The following MAGI2 variants were observed in gnomAD, a reference collection of about 807,000 sequenced individuals.
The protein encoded by MAGI2 is membrane-associated guanylate kinase, WW and PDZ domain-containing protein 2.
A neutral mutation model predicts 133.3 loss-of-function variants in MAGI2; 35 were observed. The ratio of observed to expected loss-of-function variants is 0.26; its 90% confidence interval spans 0.20 to 0.35. The LOEUF is 0.35. Among genes scored for constraint, MAGI2 ranks in the 10% least tolerant of loss-of-function variants. The pLI is 1.00. For missense variants in MAGI2, 1,636 were observed against 1,863.4 expected (o/e 0.88, Z 2.25); for synonymous variants, 729 against 710.6 (o/e 1.03, Z -0.41).
At chr7:78,444,503 G>A (rs1210556187) in intron 6 of MAGI2, among the ~76,000 whole-genome samples, 3 of 151,988 alleles carry the variant, frequency 2.0e-5, no homozygotes, top group Non-Finnish European at 4.4e-5. Flanking sequence ...GAAGAGACAT[G>A]TGTTACTTAA....
At chr7:78,426,090 C>T (rs1480848477) in intron 6 of MAGI2, among the ~76,000 whole-genome samples, 1 of 151,834 alleles carries the variant, frequency 6.6e-6, no homozygotes, top group African/African-American at 2.4e-5. Context: ...GAAAGTATGA[C>T]CATAATGAAT....
intron 17 of MAGI2, among the ~76,000 whole-genome samples, 183 bp from the exon 18 acceptor site, chr7:78,133,243 T>C (rs1821755040): frequency 6.6e-6 from 1 of 152,220 alleles, no homozygotes; most frequent in East Asian, 1.9e-4. Flanking sequence ...ATATTTGTAT[T>C]CTTTCATTAA....
At chr7:78,838,213 C>T (rs186999048) in intron 2 of MAGI2, among the ~76,000 whole-genome samples, 51 of 152,146 alleles carry the variant, frequency 3.4e-4, no homozygotes, top group African/African-American at 9.4e-4. Context: ...TCTGCTTAGT[C>T]GCTGTCTTTG....
At chr7:78,199,667 GA>G (rs1213046223) in intron 11 of MAGI2, among the ~76,000 whole-genome samples, 7 of 152,168 alleles carry the variant, frequency 4.6e-5, no homozygotes, top group Non-Finnish European at 8.8e-5. Flanking sequence ...TAGATACATG[GA>G]AGACATCAAA....
chr7:79,006,974 G>C, intron 2 of MAGI2, 116 bp downstream of exon 2: 8 of 715,650 alleles, frequency 1.1e-5, no homozygotes, highest in Non-Finnish European at 4.4e-6. Flanking sequence ...TAAGTTTTCT[G>C]TTCCAAAAGC....
At chr7:78,772,876 G>T (rs1266509931) in intron 2 of MAGI2, among the ~76,000 whole-genome samples, 2 of 152,140 alleles carry the variant, frequency 1.3e-5, no homozygotes, top group African/African-American at 2.4e-5. Context: ...AAACATAAAA[G>T]ATTTCACTTT....
chr7:78,305,007 A>T (rs1281346000), intron 9 of MAGI2, among the ~76,000 whole-genome samples: 1 of 152,192 alleles, frequency 6.6e-6, no homozygotes, highest in African/African-American at 2.4e-5. Flanking sequence ...TATTGCTGAC[A>T]TCTTTACACC....
chr7:78,636,049 G>A (rs1204849943), intron 2 of MAGI2, among the ~76,000 whole-genome samples: 1 of 152,068 alleles, frequency 6.6e-6, no homozygotes, highest in Non-Finnish European at 1.5e-5. Context: ...TAACTGATGG[G>A]GTGGATTGGT....
intron 2 of MAGI2, among the ~76,000 whole-genome samples, chr7:78,757,179 A>G (rs1211988133): frequency 1.3e-5 from 2 of 152,138 alleles, no homozygotes; most frequent in Non-Finnish European, 2.9e-5. Flanking sequence ...TCCTGTTAAT[A>G]TGAATGAATA....
chr7:78,642,344 C>T (rs1316602991), intron 2 of MAGI2, among the ~76,000 whole-genome samples: 5 of 152,114 alleles, frequency 3.3e-5, no homozygotes, highest in African/African-American at 1.2e-4. Flanking sequence ...GTAAAACGAG[C>T]ACAGCATATG....
chr7:79,393,714 C>A (rs1844837149), intron 1 of MAGI2, among the ~76,000 whole-genome samples: 1 of 152,170 alleles, frequency 6.6e-6, no homozygotes, highest in South Asian at 2.1e-4. Flanking sequence ...TTTCTAAGAG[C>A]AATTTAATGG....
At chr7:78,621,131 C>G (rs1218886880) in intron 3 of MAGI2, 3 of 151,984 alleles carry the variant, frequency 2.0e-5, no homozygotes, top group Non-Finnish European at 4.4e-5. Context: ...GACCTGTCTT[C>G]CTTGCAGGTA....
At chr7:78,564,266 T>C (rs182261505) in intron 3 of MAGI2, among the ~76,000 whole-genome samples, 13 of 152,304 alleles carry the variant, frequency 8.5e-5, no homozygotes, top group African/African-American at 2.9e-4. Context: ...CGTTTTAGTA[T>C]TATAGGCATT....
Position 79,095,320 on chromosome 7 carries a change from G to A in MAGI2, c.302-88114C>T, listed in dbSNP as rs1817427955. Among the ~76,000 whole-genome samples the A allele has an allele frequency of 2.6e-5, 4 of 152,268 alleles. 1 individual carries two copies. The South Asian group carries it at 8.3e-4, about 32-fold the overall frequency. Reference sequence around the variant, plus strand: ...GATCATTCCAAATTTCTCTATATCAGCAATAAGGTTGTGTTGCTTTATCAT... The same window carrying A: ...GATCATTCCAAATTTCTCTATATCAACAATAAGGTTGTGTTGCTTTATCAT... On this transcript the variant is annotated intron_variant, in intron 1 of 21. Coordinates refer to ENST00000354212, the MANE Select transcript of MAGI2 (RefSeq NM_012301.4).
chr7:78,092,804 G>T (rs1186201434), intron 20 of MAGI2, among the ~76,000 whole-genome samples: 1 of 151,918 alleles, frequency 6.6e-6, no homozygotes, highest in Non-Finnish European at 1.5e-5. Context: ...CATTTCAAAA[G>T]GAGACTTTCC....
intron 6 of MAGI2, among the ~76,000 whole-genome samples, chr7:78,465,516 G>A (rs1790528696): frequency 6.6e-6 from 1 of 152,134 alleles, no homozygotes; most frequent in African/African-American, 2.4e-5. Flanking sequence ...TGTCCCATAT[G>A]GCATGGATAA....
intron 1 of MAGI2, among the ~76,000 whole-genome samples, chr7:79,039,085 C>A (rs947587548): frequency 3.3e-5 from 5 of 152,118 alleles, no homozygotes; most frequent in Non-Finnish European, 5.9e-5. Flanking sequence ...GGTGGAAGAA[C>A]CATGTGGGAG....
chr7:78,396,372 C>T (rs1056429009), intron 6 of MAGI2, among the ~76,000 whole-genome samples: 6 of 152,122 alleles, frequency 3.9e-5, no homozygotes, highest in African/African-American at 7.2e-5. Flanking sequence ...AGGCCAGCCA[C>T]GCTGGTTTTT....
At chr7:79,237,958 T>G (rs1303716477) in intron 1 of MAGI2, among the ~76,000 whole-genome samples, 1 of 152,200 alleles carries the variant, frequency 6.6e-6, no homozygotes, top group Non-Finnish European at 1.5e-5. Flanking sequence ...GAGACGATCC[T>G]GAAATCTAAT....
Sources: gnomAD v4.1 joint callset for allele counts (sites outside exome capture counted in the v4.1 genomes callset) on GRCh38, gnomAD v4.1.1 for gene constraint, MANE v1.5 for transcripts, NCBI Gene and HGNC (gene_info 2026-07-23, HGNC 2026-07-21) for gene names.